SCP2: variants seen among roughly 807,000 people sequenced by gnomAD.
SCP2 encodes SCP-2/3-oxoacyl-CoA thiolase.
SCP2 carries 48 observed loss-of-function variants against 71.4 expected under a neutral mutation model. The observed-to-expected ratio is 0.67, with a 90% CI of 0.53 to 0.86. SCP2 has a LOEUF of 0.86. SCP2 is among the 40% of genes least tolerant of loss of function. The probability of loss-of-function intolerance (pLI) is 0.00; values close to 1 mark genes in which losing one functional copy is unlikely to be tolerated. For missense variants in SCP2, 560 were observed against 655.6 expected (o/e 0.85, Z 1.59); for synonymous variants, 220 against 218.1 (o/e 1.01, Z -0.08).
At chr1:53,032,602 GAAGAGA>G (rs1229233307) in intron 13 of SCP2, among the ~76,000 whole-genome samples, 13 of 152,216 alleles carry the variant, frequency 8.5e-5, no homozygotes, top group Non-Finnish European at 1.9e-4. Flanking sequence ...AGATGAAGAG[GAAGAGA>G]AAGTGGCTGG....
intron 10 of SCP2, among the ~76,000 whole-genome samples, chr1:52,983,395 T>C (rs1658700130): frequency 1.3e-5 from 2 of 152,234 alleles, no homozygotes; most frequent in South Asian, 4.1e-4. Context: ...ATTATTTCTT[T>C]AAATGTATGT....
chr1:53,002,225 A>G (rs908943137), intron 11 of SCP2, among the ~76,000 whole-genome samples: 1 of 151,918 alleles, frequency 6.6e-6, no homozygotes, highest in African/African-American at 2.4e-5. Context: ...AGAAAAAAAT[A>G]TCTTCCCTAT....
At chr1:53,047,659 G>T (rs542632228) in intron 14 of SCP2, among the ~76,000 whole-genome samples, 199 bp from the exon 15 acceptor site, 27 of 152,014 alleles carry the variant, frequency 1.8e-4, no homozygotes, top group African/African-American at 6.3e-4. Context: ...AATCAATTCC[G>T]TCTTGTTAAA....
chr1:53,032,283 T>C (rs1341316082), intron 13 of SCP2, among the ~76,000 whole-genome samples: 2 of 152,226 alleles, frequency 1.3e-5, no homozygotes, highest in Non-Finnish European at 2.9e-5. Context: ...CTGGTTGTAC[T>C]ACCCACTAGC....
chr1:53,043,035 C>T (rs6588456), intron 14 of SCP2, among the ~76,000 whole-genome samples: 15,004 of 152,166 alleles, frequency 0.099, 1,462 homozygotes, highest in African/African-American at 0.22. Context: ...GACCCTTCAG[C>T]ACCTTGAGTT....
chr1:53,050,033 G>A (rs1319946878), intron 15 of SCP2: 1 of 152,460 alleles, frequency 6.6e-6, no homozygotes, highest in Admixed American at 6.5e-5. Context: ...CAAACATCAT[G>A]TGATCTAATC....
At chr1:53,022,265 ATGT>A (rs1661803893) in intron 12 of SCP2, among the ~76,000 whole-genome samples, 1 of 152,218 alleles carries the variant, frequency 6.6e-6, no homozygotes, top group African/African-American at 2.4e-5. Flanking sequence ...ATTTAGCATA[ATGT>A]TGTCAAGATT....
intron 11 of SCP2, among the ~76,000 whole-genome samples, chr1:52,997,916 A>C (rs1308350436): frequency 1.3e-5 from 2 of 152,106 alleles, no homozygotes; most frequent in African/African-American, 4.8e-5. Flanking sequence ...ACTCTCCACC[A>C]CCACCAGGCT....
chr1:52,966,985 C>G (rs529507309), intron 6 of SCP2, among the ~76,000 whole-genome samples: 2 of 151,964 alleles, frequency 1.3e-5, no homozygotes, highest in East Asian at 3.9e-4. Context: ...GTCAGGAGTT[C>G]GAGATCAGCC....
intron 12 of SCP2, among the ~76,000 whole-genome samples, chr1:53,016,153 G>C (rs1027267698): frequency 6.6e-6 from 1 of 152,020 alleles, no homozygotes; most frequent in East Asian, 1.9e-4. Context: ...TTATTCTTCT[G>C]TAAGCTCTTG....
intron 11 of SCP2, among the ~76,000 whole-genome samples, chr1:53,003,112 C>G (rs1163756744): frequency 6.6e-6 from 1 of 152,198 alleles, no homozygotes; most frequent in African/African-American, 2.4e-5. Context: ...TCATTAAACT[C>G]TATCTGTGCC....
intron 11 of SCP2, among the ~76,000 whole-genome samples, chr1:53,005,402 G>A (rs1222952675): frequency 1.3e-5 from 2 of 152,164 alleles, no homozygotes; most frequent in African/African-American, 4.8e-5. Flanking sequence ...CATACAGCCG[G>A]GTGTCCCTCT....
At chr1:52,982,379 GC>G (rs1234545237) in intron 10 of SCP2, among the ~76,000 whole-genome samples, 1 of 152,092 alleles carries the variant, frequency 6.6e-6, no homozygotes, top group African/African-American at 2.4e-5. Context: ...GACCATCCTG[GC>G]TAACACGGTG....
At chr1:52,971,219 A>G (rs560785051) in intron 6 of SCP2, among the ~76,000 whole-genome samples, 54 of 151,558 alleles carry the variant, frequency 3.6e-4, no homozygotes, top group African/African-American at 1.3e-3. Flanking sequence ...CTCGTGATCC[A>G]CCCGCCTCGG....
chr1:53,050,773 T>G lies in SCP2; in HGVS notation c.*69T>G. 1 of 1,115,196 alleles carries G rather than the reference T, an allele frequency of 9.0e-7. No homozygotes were observed. Among genetic ancestry groups the G allele is most frequent in the South Asian group, 1.2e-5 (1 of 80,282 alleles). 69.1% of individuals were successfully genotyped at this position (1,115,196 alleles called of 1,614,324 possible). ...AGATATATATCCATACATTTTATTG[T>G]CAGAATTTAGACTGAAACTACACAT... is the stretch of plus-strand genomic sequence containing the variant. On this transcript the variant is annotated 3_prime_UTR_variant, in exon 16 of 16. Transcript: ENST00000371514.
At chr1:52,949,140 G>T (rs1177831069) in intron 3 of SCP2, among the ~76,000 whole-genome samples, 1 of 152,032 alleles carries the variant, frequency 6.6e-6, no homozygotes, top group African/African-American at 2.4e-5. Context: ...ACTATAGTAG[G>T]TGTTACTGTA....
In SCP2 at chr1:53,047,885, T is replaced by C. The variant is rs760656358; in HGVS notation, c.1496T>C (p.Met499Thr). The C allele has an allele frequency of 6.2e-7, 1 of 1,613,506 alleles. No individual in the cohort carries two copies. Among genetic ancestry groups the C allele is most frequent in the Admixed American group, 1.7e-5 (1 of 60,026 alleles). ...SDKKADCTIT[M>T]ADSDFLALMT... ...AAGAAGGCTGACTGCACAATCACAA[T>C]GGCTGACTCAGACTTCCTGGCTTTA... Residue 499 changes from methionine (M) to threonine (T), a missense_variant, in exon 15 of 16, where the codon ATG becomes ACG. Met to Thr is a moderately conservative substitution (Grantham distance 81). Coordinates refer to ENST00000371514, the MANE Select transcript of SCP2 (RefSeq NM_002979.5).
intron 3 of SCP2, 104 bp from the exon 4 acceptor site, chr1:52,950,651 A>T: frequency 1.1e-6 from 1 of 877,268 alleles, no homozygotes; most frequent in Non-Finnish European, 1.9e-6. Flanking sequence ...TGCACATGTT[A>T]TATGCTAGGC....
Position 52,927,401 on chromosome 1 carries a change from C to G in SCP2, c.5C>G (p.Ser2Cys), listed in dbSNP as rs1244050094. M[S>C]SSPWEPATLR... ...CGGTCCCGCACTGGTGCAGCCATGT[C>G]CTCTTCCCCGTGGGAGCCTGCGACC... Residue 2 changes from serine to cysteine, a missense_variant, in exon 1 of 16, where the codon TCC becomes TGC. Physicochemically the swap from Ser to Cys is moderately radical, Grantham distance 112 (BLOSUM62 -1). Around this residue, in one of 3 missense-constraint regions of SCP2, gnomAD observed 513 missense variants for 573.1 expected, o/e 0.90. Transcript: ENST00000371514. 1.9e-6 allele frequency: 3 copies of G among 1,593,262 alleles called. No homozygotes were observed. Among genetic ancestry groups the G allele is most frequent in the South Asian group, 2.3e-5 (2 of 87,188 alleles).
Sources: allele counts gnomAD v4.1 joint callset (sites outside exome capture counted in the v4.1 genomes callset), GRCh38; gene constraint gnomAD v4.1.1; regional missense constraint gnomAD v4.1.1; transcripts MANE v1.5; gene names NCBI Gene and HGNC (gene_info 2026-07-23, HGNC 2026-07-21).